LRRC37A2: variants seen among roughly 807,000 people sequenced by gnomAD.
LRRC37A2 encodes leucine rich repeat containing 37 member A2.
In LRRC37A2, 9 loss-of-function variants were observed where a neutral mutation model predicts 68.8. The observed-to-expected ratio is 0.13, with a 90% CI of 0.08 to 0.23. The LOEUF (loss-of-function observed/expected upper bound fraction) is 0.23, where lower values mean the gene tolerates loss of function less well. Ranked by LOEUF, LRRC37A2 falls within the 10% of genes least tolerant of loss-of-function variation. The pLI, the probability that LRRC37A2 is intolerant of heterozygous loss-of-function variation, is 1.00. For synonymous variants in LRRC37A2, 63 were observed against 367.6 expected, an observed-to-expected ratio of 0.17 and a Z score of 9.48; for missense variants, 168 against 950.4, an observed-to-expected ratio of 0.18 and a Z score of 10.82.
At chr17:46,810,483 C>T in the LRRC37A2 span, among the ~76,000 whole-genome samples, 4,591 of 152,260 alleles carry the variant, frequency 0.03, 106 homozygotes, top group South Asian at 0.04. Context: ...CAACTGGTCA[C>T]GGGGCATGCC....
chr17:47,019,418 G>C, the LRRC37A2 span: 1 of 1,611,156 alleles, frequency 6.2e-7, no homozygotes. Context: ...CAACCACGGA[G>C]GAGACCTCAA....
At chr17:47,000,786 C>T in the LRRC37A2 span, among the ~76,000 whole-genome samples, 9 of 152,142 alleles carry the variant, frequency 5.9e-5, no homozygotes, top group Non-Finnish European at 1.3e-4. Context: ...AGAACCACAA[C>T]TCTTTGGTGC....
At chr17:46,860,596 T>C in the LRRC37A2 span, among the ~76,000 whole-genome samples, 1 of 152,228 alleles carries the variant, frequency 6.6e-6, no homozygotes, top group Non-Finnish European at 1.5e-5. Context: ...GTTAAATGAA[T>C]GTATATATAG....
the LRRC37A2 span, among the ~76,000 whole-genome samples, chr17:46,595,834 C>T: frequency 7.1e-6 from 1 of 141,164 alleles, no homozygotes. Context: ...TTCAGCCTTT[C>T]TCTCCCTTAC....
the LRRC37A2 span, among the ~76,000 whole-genome samples, chr17:46,849,658 C>T: frequency 6.6e-6 from 1 of 152,154 alleles, no homozygotes; most frequent in South Asian, 2.1e-4. Flanking sequence ...TGATCAGAAA[C>T]GATGCCACAT....
At chr17:46,883,798 G>T in the LRRC37A2 span, among the ~76,000 whole-genome samples, 1 of 152,114 alleles carries the variant, frequency 6.6e-6, no homozygotes, top group Non-Finnish European at 1.5e-5. Flanking sequence ...GGTCCTCCTT[G>T]TCTTCTCCTC....
the LRRC37A2 span, among the ~76,000 whole-genome samples, chr17:47,029,225 T>G: frequency 6.6e-6 from 1 of 151,668 alleles, no homozygotes; most frequent in Admixed American, 6.6e-5. Flanking sequence ...AGTGCTGGGG[T>G]TACAGGTGTG....
At chr17:46,785,458 G>A in the LRRC37A2 span, among the ~76,000 whole-genome samples, 295 of 152,318 alleles carry the variant, frequency 1.9e-3, no homozygotes, top group Non-Finnish European at 3.6e-3. Context: ...AGATAACCAA[G>A]GAAAAAGCTA....
the LRRC37A2 span, among the ~76,000 whole-genome samples, chr17:46,805,496 C>T: frequency 2.6e-5 from 4 of 152,222 alleles, no homozygotes; most frequent in Middle Eastern, 3.4e-3. Flanking sequence ...TCGCTTGAAC[C>T]GGGGAGGTGG....
At chr17:46,751,592 A>C in the LRRC37A2 span, 2 of 1,613,234 alleles carry the variant, frequency 1.2e-6, no homozygotes. Flanking sequence ...AGAAGTTACT[A>C]ATGCTGATCG....
chr17:46,938,667 CG>C, the LRRC37A2 span: 1 of 1,614,038 alleles, frequency 6.2e-7, no homozygotes, highest in Non-Finnish European at 8.5e-7. Flanking sequence ...TGCGGCTCAT[CG>C]AGAAGCGGGC....
chr17:46,510,555 T>C (rs1468774419), upstream of LRRC37A2, among the ~76,000 whole-genome samples: 1 of 498 alleles, frequency 2.0e-3, no homozygotes, highest in African/African-American at 2.9e-3. Flanking sequence ...TTTTTTGAGA[T>C]GGAGTCTCAC....
At chr17:46,741,428 G>A in the LRRC37A2 span, among the ~76,000 whole-genome samples, 1 of 151,936 alleles carries the variant, frequency 6.6e-6, no homozygotes, top group Non-Finnish European at 1.5e-5. Context: ...ATTGTCTTCT[G>A]TCCTGCTTGC....
chr17:46,820,271 G>T, the LRRC37A2 span, among the ~76,000 whole-genome samples: 1 of 152,314 alleles, frequency 6.6e-6, no homozygotes, highest in East Asian at 1.9e-4. Context: ...AGCCGCCTGG[G>T]CTTGTCATGG....
At chr17:46,499,383 A>G in the LRRC37A2 span, among the ~76,000 whole-genome samples, 1 of 149,664 alleles carries the variant, frequency 6.7e-6, no homozygotes, top group African/African-American at 2.5e-5. Flanking sequence ...CATACATTTT[A>G]TAGAAGTTGT....
chr17:46,922,280 C>T, the LRRC37A2 span, among the ~76,000 whole-genome samples: 1 of 151,560 alleles, frequency 6.6e-6, no homozygotes, highest in African/African-American at 2.4e-5. Flanking sequence ...GGGAACTGAA[C>T]GATGAGAACA....
intron 6 of LRRC37A2, among the ~76,000 whole-genome samples, chr17:46,531,986 G>C (rs950961451): frequency 4.1e-5 from 6 of 147,980 alleles, no homozygotes; most frequent in African/African-American, 1.6e-4. Context: ...TCTTATAATC[G>C]TGTGAGATGT....
At chr17:46,830,741 C>A in the LRRC37A2 span, 2 of 398,440 alleles carry the variant, frequency 5.0e-6, no homozygotes, top group Middle Eastern at 6.2e-4. Context: ...GAGAGGGCCA[C>A]GGGTGTTCTA....
chr17:46,962,216 C>T, the LRRC37A2 span, among the ~76,000 whole-genome samples: 11 of 151,918 alleles, frequency 7.2e-5, no homozygotes, highest in Non-Finnish European at 1.5e-4. Context: ...GTAATCCTAG[C>T]TACTCAGGAG....
Sources: allele counts gnomAD v4.1 joint callset (sites outside exome capture counted in the v4.1 genomes callset), GRCh38; gene constraint gnomAD v4.1.1; transcripts MANE v1.5; gene names NCBI Gene and HGNC (gene_info 2026-07-23, HGNC 2026-07-21).